Variants in SPAG16 observed in about 807,000 individuals in gnomAD.
SPAG16 encodes the protein sperm associated antigen 16.
Under a neutral mutation model 80.4 loss-of-function variants are expected in SPAG16, and 86 were observed. That is an observed-to-expected ratio of 1.07 (90% CI 0.90 to 1.28). The LOEUF (loss-of-function observed/expected upper bound fraction) is 1.28. Ranked by LOEUF, SPAG16 falls within the 50% of genes most tolerant of loss-of-function variation. The probability of loss-of-function intolerance (pLI) is 0.00; values close to 1 mark genes in which losing one functional copy is unlikely to be tolerated. For synonymous variants in SPAG16, 294 were observed against 265.9 expected, an observed-to-expected ratio of 1.11 and a Z score of -1.03; for missense variants, 870 against 765.3, an observed-to-expected ratio of 1.14 and a Z score of -1.61.
At chr2:214,220,688 A>G (rs1446273242) in intron 15 of SPAG16, among the ~76,000 whole-genome samples, 2 of 152,130 alleles carry the variant, frequency 1.3e-5, no homozygotes, top group East Asian at 3.9e-4. Context: ...TTCTCCCTCT[A>G]ATGCTTCAGG....
chr2:213,544,630 CAG>C (rs1026738177), intron 10 of SPAG16, among the ~76,000 whole-genome samples: 1 of 152,018 alleles, frequency 6.6e-6, no homozygotes, highest in East Asian at 1.9e-4. Context: ...TAGTATCAAA[CAG>C]GGTACTTTCA....
chr2:213,404,439 C>G (rs373196815), intron 9 of SPAG16, among the ~76,000 whole-genome samples: 11,607 of 151,878 alleles, frequency 0.076, 1,428 homozygotes, highest in African/African-American at 0.26. Flanking sequence ...ACAAACCTGA[C>G]AAAAACAAGC....
At chr2:213,402,321 A>T (rs569792868) in intron 9 of SPAG16, among the ~76,000 whole-genome samples, 1 of 152,200 alleles carries the variant, frequency 6.6e-6, no homozygotes, top group South Asian at 2.1e-4. Context: ...TAGATATGTT[A>T]TACTATCTAA....
rs56362536 is a variant in SPAG16, at chr2:213,558,235, C to A, written c.1070+68145C>A. On this transcript the variant is annotated intron_variant, in intron 10 of 15. Transcript: ENST00000331683. ...CTTTCATCTTCCACAGAGCATCATA[C>A]TAACAGGTTCTAAAAATTTTAAAAA... Among the ~76,000 whole-genome samples the A allele has an allele frequency of 7.3e-3, 1,114 of 152,046 alleles. 22 individuals are homozygous for A. Among genetic ancestry groups the A allele is most frequent in the African/African-American group, 0.026 (1,073 of 41,504 alleles).
Position 213,284,562 on chromosome 2 carries a change from G to A in SPAG16, c.79G>A (p.Gly27Arg). The part of the protein sequence containing the change: ...EALGMGLTAA[G>R]DARDTADAVA... ...GTTGGGCATGGGTTTGACGGCAGCC[G>A]GGGACGCGAGGGACACGGCGGACGC... The change falls in exon 1 of 16, where the codon GGG becomes AGG. Residue 27 changes from glycine to arginine, a missense_variant. Transcript: ENST00000331683. The A allele has an allele frequency of 6.2e-7, 1 of 1,607,788 alleles. No homozygotes were observed. The highest frequency in any genetic ancestry group is 1.3e-5 in the African/African-American group (1 of 74,984).
chr2:213,508,723 C>T (rs1228254270), intron 10 of SPAG16, among the ~76,000 whole-genome samples: 1 of 151,676 alleles, frequency 6.6e-6, no homozygotes, highest in Non-Finnish European at 1.5e-5. Context: ...ACAATGAGAA[C>T]ACATGGACAC....
intron 9 of SPAG16, among the ~76,000 whole-genome samples, chr2:213,486,997 A>T (rs986783410): frequency 6.6e-5 from 10 of 152,040 alleles, no homozygotes; most frequent in African/African-American, 2.4e-4. Context: ...TAAGACAGGT[A>T]TGATTGGGGT....
intron 13 of SPAG16, among the ~76,000 whole-genome samples, chr2:214,039,556 C>T (rs1454782124): frequency 6.6e-6 from 1 of 152,162 alleles, no homozygotes; most frequent in African/African-American, 2.4e-5. Flanking sequence ...ACTCATCTGA[C>T]AAAGGGCTAA....
intron 15 of SPAG16, among the ~76,000 whole-genome samples, chr2:214,276,092 T>C (rs1321219949): frequency 6.6e-6 from 1 of 152,196 alleles, no homozygotes; most frequent in Non-Finnish European, 1.5e-5. Context: ...TAAAGTCTGT[T>C]TTATCAGAGA....
chr2:213,772,550 C>T (rs761579278), intron 10 of SPAG16, among the ~76,000 whole-genome samples: 25 of 152,120 alleles, frequency 1.6e-4, no homozygotes, highest in Non-Finnish European at 2.6e-4. Context: ...AGTACTCTTG[C>T]GAAAAGAGTA....
intron 15 of SPAG16, among the ~76,000 whole-genome samples, chr2:214,378,365 G>C (rs1052220729): frequency 2.0e-5 from 3 of 152,152 alleles, no homozygotes; most frequent in Non-Finnish European, 4.4e-5. Flanking sequence ...TAGATATTAG[G>C]ATGTCTAACA....
At chr2:213,329,633 C>T (rs1336473278) in intron 5 of SPAG16, among the ~76,000 whole-genome samples, 2 of 152,144 alleles carry the variant, frequency 1.3e-5, no homozygotes, top group East Asian at 1.9e-4. Context: ...AAATTTGCAG[C>T]TTGATGATGT....
intron 10 of SPAG16, among the ~76,000 whole-genome samples, chr2:213,747,954 T>A (rs2067905810): frequency 6.6e-6 from 1 of 152,234 alleles, no homozygotes; most frequent in Non-Finnish European, 1.5e-5. Context: ...TCACCTTTGC[T>A]TTCCATATAA....
At chr2:213,668,040 G>A (rs919839037) in intron 10 of SPAG16, among the ~76,000 whole-genome samples, 43 of 151,782 alleles carry the variant, frequency 2.8e-4, no homozygotes, top group African/African-American at 8.5e-4. Flanking sequence ...TCCTGAGTTC[G>A]AGCAATTCTC....
chr2:214,086,638 G>A (rs1348472478), intron 13 of SPAG16, among the ~76,000 whole-genome samples: 1 of 152,046 alleles, frequency 6.6e-6, no homozygotes, highest in Non-Finnish European at 1.5e-5. Flanking sequence ...CCCCAGCCAT[G>A]TGGAACTATG....
intron 10 of SPAG16, among the ~76,000 whole-genome samples, chr2:213,807,666 T>G (rs2071855716): frequency 6.6e-6 from 1 of 152,170 alleles, no homozygotes; most frequent in Admixed American, 6.5e-5. Flanking sequence ...CACACTATCA[T>G]CAGTTTCATC....
intron 15 of SPAG16, among the ~76,000 whole-genome samples, chr2:214,408,906 A>C (rs915096661): frequency 6.6e-6 from 1 of 152,080 alleles, no homozygotes; most frequent in Non-Finnish European, 1.5e-5. Context: ...CATTTTTTAC[A>C]TAACAGATAT....
chr2:214,377,659 G>T (rs190606474), intron 15 of SPAG16, among the ~76,000 whole-genome samples: 1 of 152,106 alleles, frequency 6.6e-6, no homozygotes. Context: ...TTAAGTTCTG[G>T]GGTAGTCAAA....
intron 10 of SPAG16, among the ~76,000 whole-genome samples, chr2:213,493,314 T>C (rs969983293): frequency 6.6e-6 from 1 of 152,260 alleles, no homozygotes; most frequent in Non-Finnish European, 1.5e-5. Flanking sequence ...AAATGTGTTT[T>C]TATAATGTTT....
Sources: allele counts gnomAD v4.1 joint callset (sites outside exome capture counted in the v4.1 genomes callset), GRCh38; gene constraint gnomAD v4.1.1; transcripts MANE v1.5; gene names NCBI Gene and HGNC (gene_info 2026-07-23, HGNC 2026-07-21).